Variants in SFI1 observed in about 807,000 individuals in gnomAD.
The protein encoded by SFI1 is protein SFI1 homolog.
Under a neutral mutation model 207.5 loss-of-function variants are expected in SFI1, and 195 were observed. The ratio of observed to expected loss-of-function variants is 0.94; its 90% confidence interval spans 0.84 to 1.06. SFI1 has a LOEUF of 1.06. Ranked by LOEUF, SFI1 falls within the 50% of genes least tolerant of loss-of-function variation. SFI1 has a pLI of 0.00. For synonymous variants in SFI1, 630 were observed against 598.9 expected (o/e 1.05, Z -0.76); for missense variants, 1,634 against 1,588.0 (o/e 1.03, Z -0.49).
intron 31 of SFI1, 74 bp from the exon 32 acceptor site, chr22:31,618,041 G>C (rs2072087543): frequency 6.8e-7 from 1 of 1,475,894 alleles, no homozygotes; most frequent in Admixed American, 2.3e-5. Flanking sequence ...ATTAGCTGAG[G>C]TGCCTCTCCC....
intron 2 of SFI1, among the ~76,000 whole-genome samples, chr22:31,509,980 G>A (rs888438885): frequency 4.0e-5 from 6 of 151,894 alleles, no homozygotes; most frequent in African/African-American, 1.5e-4. Context: ...GAGTGCAGTG[G>A]TACAGTCTCG....
chr22:31,617,833 C>T lies in SFI1; in HGVS notation c.3513-282C>T, dbSNP rs79119069. Among the ~76,000 whole-genome samples the T allele has an allele frequency of 9.2e-3, 1,401 of 152,304 alleles. 16 individuals carry two copies. The highest frequency in any genetic ancestry group is 0.044 in the Middle Eastern group (13 of 294). ...AGCTTCCAGGGCAACAGACTGGCGC[C>T]TCATCCTTGGCTCTGCACAGGGGGA... is the stretch of plus-strand genomic sequence containing the variant. On this transcript the variant is annotated intron_variant, in intron 31 of 32. Transcript: ENST00000400288.
intron 8 of SFI1, among the ~76,000 whole-genome samples, chr22:31,571,637 A>C (rs995754880): frequency 5.9e-5 from 9 of 152,084 alleles, no homozygotes; most frequent in Admixed American, 1.3e-4. Flanking sequence ...ACATCTTGCC[A>C]CATTTGCTTT....
At chr22:31,572,992 C>T in intron 8 of SFI1, 66 bp from the exon 9 acceptor site, 2 of 1,534,142 alleles carry the variant, frequency 1.3e-6, no homozygotes, top group Non-Finnish European at 1.8e-6. Context: ...TCTTTTCCCT[C>T]TCCACCTGTA....
At chr22:31,559,359 G>A (rs151108113) in intron 7 of SFI1, 213 of 244,684 alleles carry the variant, frequency 8.7e-4, no homozygotes, top group African/African-American at 4.6e-3. Flanking sequence ...CAAGGCAGAC[G>A]TTGCAGTGAG....
chr22:31,498,860 CTTT>C (rs60377913), intron 1 of SFI1, among the ~76,000 whole-genome samples: 5 of 134,820 alleles, frequency 3.7e-5, no homozygotes, highest in Admixed American at 7.6e-5. Context: ...TTCTTTTTTT[CTTT>C]TTTTTTTTTT....
At chr22:31,607,214 C>T (rs1445547334) in intron 21 of SFI1, among the ~76,000 whole-genome samples, 2 of 152,122 alleles carry the variant, frequency 1.3e-5, no homozygotes, top group African/African-American at 2.4e-5. Context: ...AGAGCAGGCA[C>T]CAGGCATTCC....
chr22:31,603,221 A>C (rs1228147023), intron 17 of SFI1, among the ~76,000 whole-genome samples: 2 of 152,190 alleles, frequency 1.3e-5, no homozygotes, highest in African/African-American at 4.8e-5. Context: ...CAACAGAGCG[A>C]GACTCTGCCT....
At chr22:31,594,728 G>A (rs182729461) in intron 15 of SFI1, among the ~76,000 whole-genome samples, 2 of 150,522 alleles carry the variant, frequency 1.3e-5, no homozygotes, top group East Asian at 2.0e-4. Context: ...GGTGGTGGGC[G>A]ACTGTAGTCC....
At chr22:31,610,702 C>T (rs1293077173) in intron 22 of SFI1, among the ~76,000 whole-genome samples, 1 of 152,252 alleles carries the variant, frequency 6.6e-6, no homozygotes, top group Non-Finnish European at 1.5e-5. Context: ...GCTCTGACTG[C>T]TGTGACTGGG....
At chr22:31,580,542 CTTTTT>C (rs11347645) in intron 12 of SFI1, among the ~76,000 whole-genome samples, 178 bp downstream of exon 12, 11 of 117,284 alleles carry the variant, frequency 9.4e-5, no homozygotes, top group East Asian at 2.6e-4. Context: ...CTTTTCTTTT[CTTTTT>C]TTTTTTTTTT....
chr22:31,602,154 T>C, intron 15 of SFI1, 58 bp from the exon 16 acceptor site: 3 of 1,408,250 alleles, frequency 2.1e-6, no homozygotes, highest in Non-Finnish European at 2.0e-6. Context: ...CTTCTAGTTC[T>C]GTTTGGGTTA....
rs1245906121 is a variant in SFI1 at position 31,575,242 on chromosome 22, C to A, written c.934C>A (p.Arg312=). 1 of 1,608,614 alleles carries A rather than the reference C, an allele frequency of 6.2e-7. No individual in the cohort carries two copies. The highest frequency in any genetic ancestry group is 1.3e-5 in the African/African-American group (1 of 74,740). Reference sequence around the variant, plus strand: ...TTTCTCTGTTGCAGAGATGGCTGAGCGATTCCATCATGTCACTGTGCTCCA... The same window carrying A: ...TTTCTCTGTTGCAGAGATGGCTGAGAGATTCCATCATGTCACTGTGCTCCA... ...VKRQQNEMAE[R]FHHVTVLQIY... is the part of the protein sequence containing the mutation. The change falls in exon 10 of 33, where the codon CGA becomes AGA. Residue 312 remains arginine, a synonymous_variant. Coordinates refer to ENST00000400288, the MANE Select transcript of SFI1 (RefSeq NM_001007467.3).
At chr22:31,569,415 A>G (rs62237775) in intron 8 of SFI1, among the ~76,000 whole-genome samples, 9,149 of 152,250 alleles carry the variant, frequency 0.06, 269 homozygotes, top group African/African-American at 0.069. Flanking sequence ...AGCCTAATGC[A>G]AATCTCTCAG....
chr22:31,556,734 A>G (rs1034824693), intron 6 of SFI1, among the ~76,000 whole-genome samples: 12 of 152,208 alleles, frequency 7.9e-5, no homozygotes, highest in African/African-American at 2.7e-4. Context: ...TTTCCTTTAA[A>G]TGCTTTGTAA....
chr22:31,615,489 TATATTC>T (rs1347532001), intron 29 of SFI1: 2 of 436,630 alleles, frequency 4.6e-6, no homozygotes, highest in Non-Finnish European at 7.9e-6. Flanking sequence ...TCCTGAAGCT[TATATTC>T]TAGTCAGAGA....
chr22:31,583,312 C>G (rs894051948), intron 12 of SFI1, among the ~76,000 whole-genome samples: 2 of 152,132 alleles, frequency 1.3e-5, no homozygotes, highest in African/African-American at 4.8e-5. Context: ...AGGGTTTCTC[C>G]CTGTTGGTCA....
intron 20 of SFI1, 161 bp downstream of exon 20, chr22:31,605,106 C>G: frequency 1.7e-6 from 1 of 605,616 alleles, no homozygotes; most frequent in Non-Finnish European, 2.8e-6. Flanking sequence ...CTCACGGGTT[C>G]GCCTTCATGT....
chr22:31,539,649 T>C (rs182147719), intron 4 of SFI1, among the ~76,000 whole-genome samples: 10 of 152,250 alleles, frequency 6.6e-5, no homozygotes, highest in Non-Finnish European at 1.2e-4. Flanking sequence ...GTTGGAGCCT[T>C]TCCTCAAATG....
Sources: gnomAD v4.1 joint callset for allele counts (sites outside exome capture counted in the v4.1 genomes callset) on GRCh38, gnomAD v4.1.1 for gene constraint, MANE v1.5 for transcripts, NCBI Gene and HGNC (gene_info 2026-07-23, HGNC 2026-07-21) for gene names.